The following LRRC36 variants were observed in gnomAD, a reference collection of about 807,000 sequenced individuals.
LRRC36 encodes leucine-rich repeat-containing protein 36.
Under a neutral mutation model 81.1 loss-of-function variants are expected in LRRC36, and 62 were observed. The ratio of observed to expected loss-of-function variants is 0.76; its 90% CI spans 0.62 to 0.94. The LOEUF (loss-of-function observed/expected upper bound fraction) is 0.94. Ranked by LOEUF, LRRC36 falls within the 40% of genes least tolerant of loss-of-function variation. LRRC36 has a pLI of 0.00. For missense variants in LRRC36, 761 were observed against 881.7 expected (o/e 0.86, Z 1.73); for synonymous variants, 334 against 348.6 (o/e 0.96, Z 0.47).
At chr16:67,332,439 A>G (rs2037540742) in intron 1 of LRRC36, among the ~76,000 whole-genome samples, 1 of 152,164 alleles carries the variant, frequency 6.6e-6, no homozygotes, top group Admixed American at 6.6e-5. Flanking sequence ...CTGTAGTCCT[A>G]GCTACTTGGG....
At chr16:67,349,550 GTGT>G (rs1056098907) in intron 4 of LRRC36, among the ~76,000 whole-genome samples, 8 of 152,040 alleles carry the variant, frequency 5.3e-5, no homozygotes, top group Non-Finnish European at 1.2e-4. Flanking sequence ...CTTCCTTTCT[GTGT>G]CCTAACTATG....
At position 67,371,118 on chromosome 16, in the gene LRRC36, C is replaced by T. The variant is rs771623200; in HGVS notation, c.1370C>T (p.Ser457Leu). Reference protein sequence around the residue: ...LRTLLLSPGTSEHRKIFTKRS... With the variant: ...LRTLLLSPGTLEHRKIFTKRS... ...ACACTGCTGTTGTCTCCTGGGACTT[C>T]AGAACACAGAAAGATTTTTACCAAG... The change falls in exon 9 of 14, where the codon TCA becomes TTA. Residue 457 changes from serine (S) to leucine (L), a missense_variant. By Grantham distance (145) the Ser-to-Leu change is moderately radical (BLOSUM62 -2). Around this residue, in one of 3 missense-constraint regions of LRRC36, gnomAD observed 359 missense variants for 388.4 expected, o/e 0.92. Transcript: ENST00000329956. The T allele has an allele frequency of 6.2e-7, 1 of 1,614,136 alleles. No individual in the cohort carries two copies. Among genetic ancestry groups the T allele is most frequent in the Non-Finnish European group, 8.5e-7 (1 of 1,180,030 alleles).
intron 1 of LRRC36, among the ~76,000 whole-genome samples, chr16:67,331,484 T>C (rs1465697191): frequency 1.3e-5 from 2 of 152,194 alleles, no homozygotes; most frequent in African/African-American, 4.8e-5. Context: ...ATGATAGTGC[T>C]ACTGCCCTCC....
intron 5 of LRRC36, among the ~76,000 whole-genome samples, chr16:67,356,562 C>A (rs550795638): frequency 1.7e-3 from 258 of 152,232 alleles, no homozygotes; most frequent in Non-Finnish European, 2.9e-3. Flanking sequence ...CTGGGCAAAT[C>A]CTGTGTTGGG....
intron 6 of LRRC36, 61 bp downstream of exon 6, chr16:67,363,775 G>T: frequency 6.4e-7 from 1 of 1,560,266 alleles, no homozygotes; most frequent in Admixed American, 1.8e-5. Flanking sequence ...TGATAATTCA[G>T]TGGGCTCTCA....
intron 9 of LRRC36, 189 bp downstream of exon 9, chr16:67,371,431 C>A: frequency 1.6e-6 from 1 of 634,044 alleles, no homozygotes; most frequent in Non-Finnish European, 2.8e-6. Flanking sequence ...AGTCATTCCC[C>A]CACTGCTGCC....
chr16:67,372,346 G>C (rs1344787391), intron 9 of LRRC36, among the ~76,000 whole-genome samples: 2 of 150,870 alleles, frequency 1.3e-5, no homozygotes, highest in Non-Finnish European at 3.0e-5. Flanking sequence ...AACAGAGTGA[G>C]ACTCTGTCTC....
intron 6 of LRRC36, 61 bp downstream of exon 6, chr16:67,363,775 G>C: frequency 1.3e-6 from 2 of 1,560,266 alleles, no homozygotes; most frequent in Non-Finnish European, 1.8e-6. Context: ...TGATAATTCA[G>C]TGGGCTCTCA....
intron 5 of LRRC36, among the ~76,000 whole-genome samples, chr16:67,360,268 G>A (rs1486301438): frequency 1.3e-5 from 2 of 152,210 alleles, no homozygotes; most frequent in Admixed American, 1.3e-4. Flanking sequence ...TCAGATGTAA[G>A]TGATAGCTAA....
intron 7 of LRRC36, among the ~76,000 whole-genome samples, chr16:67,366,588 A>G (rs1207418514): frequency 6.6e-6 from 1 of 152,038 alleles, no homozygotes; most frequent in Admixed American, 6.6e-5. Context: ...CATCTCTACT[A>G]AAAATACAAA....
intron 1 of LRRC36, among the ~76,000 whole-genome samples, chr16:67,334,025 T>A (rs1369231289): frequency 1.3e-5 from 2 of 151,954 alleles, no homozygotes. Context: ...ATTATTATTA[T>A]TATTTTTATT....
chr16:67,362,373 G>A, intron 5 of LRRC36: 1 of 320,584 alleles, frequency 3.1e-6, no homozygotes, highest in South Asian at 2.3e-5. Flanking sequence ...AGGCTGGCCA[G>A]GCTGGTCTCA....
intron 9 of LRRC36, among the ~76,000 whole-genome samples, chr16:67,374,889 T>C (rs2142150201): frequency 6.6e-6 from 1 of 151,800 alleles, no homozygotes; most frequent in South Asian, 2.1e-4. Flanking sequence ...CCCAACACTT[T>C]GGGAAGCTGA....
chr16:67,375,198 A>G (rs373049020), intron 9 of LRRC36, 49 bp from the exon 10 acceptor site: 4 of 1,580,548 alleles, frequency 2.5e-6, no homozygotes, highest in South Asian at 1.1e-5. Flanking sequence ...AGAATGACAA[A>G]TGGTTGGGTT....
intron 1 of LRRC36, among the ~76,000 whole-genome samples, chr16:67,329,058 C>T (rs947631438): frequency 2.0e-5 from 3 of 151,782 alleles, no homozygotes; most frequent in Admixed American, 6.6e-5. Flanking sequence ...TACAGGCACC[C>T]GCCACCACGC....
chr16:67,385,166 T>C lies in LRRC36; in HGVS notation c.*77T>C. The C allele has an allele frequency of 9.7e-7, 1 of 1,031,948 alleles. No homozygotes were observed. Among genetic ancestry groups the C allele is most frequent in the Non-Finnish European group, 1.5e-6 (1 of 675,636 alleles). 63.9% of individuals were successfully genotyped at this position (1,031,948 alleles called of 1,614,324 possible). On this transcript the variant is annotated 3_prime_UTR_variant, in exon 14 of 14. Transcript: ENST00000329956. ...CGCCATTGCCACCAGTATGGTGGTATGTACTCACAAAGATTAAGAAAGAAA... is the reference window on the plus strand; with the variant it reads ...CGCCATTGCCACCAGTATGGTGGTACGTACTCACAAAGATTAAGAAAGAAA...
At chr16:67,381,171 C>G (rs760637384) in intron 12 of LRRC36, among the ~76,000 whole-genome samples, 18 of 142,294 alleles carry the variant, frequency 1.3e-4, no homozygotes, top group Non-Finnish European at 2.2e-4. Context: ...TTGCAGTGAG[C>G]TGAGATCCCG....
rs1211066169 is a variant in LRRC36, at chr16:67,333,641, C to G, written c.70+6709C>G. ...TCTGGGTATTTCATATCATTGGAAT[C>G]ATATAATATGTAGCCTTTTCTGTCT... On this transcript the variant is annotated intron_variant, in intron 1 of 13. Coordinates refer to ENST00000329956, the MANE Select transcript of LRRC36 (RefSeq NM_018296.6). Among the ~76,000 whole-genome samples the G allele has an allele frequency of 4.6e-5, 7 of 152,150 alleles. No homozygotes were observed. In the South Asian group the frequency reaches 1.0e-3, roughly 23 times the overall value.
rs574340053 is a variant in LRRC36 at position 67,345,162 on chromosome 16, A to G, written c.199-1094A>G. 1.1e-4 allele frequency among the ~76,000 whole-genome samples: 17 copies of G among 152,184 alleles called. No homozygotes were observed. The South Asian group carries it at 2.7e-3, about 24-fold the overall frequency. ...CATTGTCTCTACTAAAAATCAAAAA[A>G]TAGTTAGCCAGGTGTGGTGCCACAT... On this transcript the variant is annotated intron_variant, in intron 2 of 13. Coordinates refer to ENST00000329956, the MANE Select transcript of LRRC36 (RefSeq NM_018296.6).
Sources: allele counts gnomAD v4.1 joint callset (sites outside exome capture counted in the v4.1 genomes callset), GRCh38; gene constraint gnomAD v4.1.1; regional missense constraint gnomAD v4.1.1; transcripts MANE v1.5; gene names NCBI Gene and HGNC (gene_info 2026-07-23, HGNC 2026-07-21).